The following MARK1 variants were observed in gnomAD, a reference collection of about 807,000 sequenced individuals.
MARK1 encodes the protein serine/threonine-protein kinase MARK1.
A neutral mutation model predicts 96.3 loss-of-function variants in MARK1; 40 were observed. The ratio of observed to expected loss-of-function variants is 0.42; its 90% CI spans 0.32 to 0.54. The LOEUF is 0.54. Among genes scored for constraint, MARK1 ranks in the 20% least tolerant of loss-of-function variants. MARK1 has a pLI of 0.16. For missense variants in MARK1, 719 were observed against 984.6 expected (o/e 0.73, Z 3.61); for synonymous variants, 317 against 341.2 (o/e 0.93, Z 0.78).
rs1432200631 is a variant in MARK1, at chr1:220,528,593, T to C, written c.-230T>C. 1 of 483,398 alleles carries C rather than the reference T, an allele frequency of 2.1e-6. No individual in the cohort carries two copies. The allele number at this position is 483,398 out of a possible 1,614,324, so 29.9% of individuals were successfully genotyped here. A position where few individuals can be genotyped will look rare whatever the true frequency, so the allele number is the denominator to read the frequency against. On this transcript the variant is annotated 5_prime_UTR_variant, in exon 1 of 18. Transcript: ENST00000366917. The stretch of plus-strand genomic sequence containing the variant: ...CTCGCCCGAAGCCCTCCCTCGTTAC[T>C]GTCCGCATACCCCGGCGGCGCCGCC...
chr1:220,633,655 A>G (rs891815425), intron 11 of MARK1, among the ~76,000 whole-genome samples: 4 of 152,214 alleles, frequency 2.6e-5, no homozygotes, highest in African/African-American at 9.6e-5. Context: ...ACAACAGGCT[A>G]AGGTCAGACC....
chr1:220,532,571 T>A (rs1660388413), intron 1 of MARK1, among the ~76,000 whole-genome samples: 1 of 152,194 alleles, frequency 6.6e-6, no homozygotes, highest in African/African-American at 2.4e-5. Context: ...AATGAAGCCT[T>A]CAGAGAGAAA....
chr1:220,647,490 C>T (rs1483358539), intron 13 of MARK1, among the ~76,000 whole-genome samples: 1 of 152,122 alleles, frequency 6.6e-6, no homozygotes, highest in Non-Finnish European at 1.5e-5. Context: ...GGTGGTGATT[C>T]CTCAAAGATT....
chr1:220,565,237 C>T lies in MARK1; in HGVS notation c.52-14117C>T, dbSNP rs138493003. Among the ~76,000 whole-genome samples the T allele has an allele frequency of 2.6e-5, 4 of 152,246 alleles. No homozygotes were observed. The East Asian group carries it at 7.7e-4, about 29-fold the overall frequency. ...ATTTGTTTCTCACTGAGCATTTAAGCTATAACATGAATGATCAGTTTTCTC... is the reference window on the plus strand; with the variant it reads ...ATTTGTTTCTCACTGAGCATTTAAGTTATAACATGAATGATCAGTTTTCTC... On this transcript the variant is annotated intron_variant, in intron 1 of 17. Transcript: ENST00000366917.
At chr1:220,535,069 G>T (rs950447871) in intron 1 of MARK1, among the ~76,000 whole-genome samples, 12 of 151,876 alleles carry the variant, frequency 7.9e-5, no homozygotes, top group African/African-American at 2.9e-4. Flanking sequence ...TTCTATTGTT[G>T]GGTCATATGG....
At chr1:220,594,419 G>A (rs1665191522) in intron 3 of MARK1, among the ~76,000 whole-genome samples, 1 of 152,178 alleles carries the variant, frequency 6.6e-6, no homozygotes, top group African/African-American at 2.4e-5. Context: ...ATTTGTTGCT[G>A]GCGGAAATGC....
rs374611399 is a variant in MARK1 at position 220,587,185 on chromosome 1, A to G, written c.309+6067A>G. Among the ~76,000 whole-genome samples the G allele has an allele frequency of 1.1e-4, 16 of 152,226 alleles. No individual in the cohort carries two copies. In the East Asian group the frequency reaches 3.1e-3, roughly 29 times the overall value. ...TATATTAGTTATTTTAAAATTTCCT[A>G]TCTTTCTGTAATCAGATTTTTTCAT... On this transcript the variant is annotated intron_variant, in intron 3 of 17. Coordinates refer to ENST00000366917, the MANE Select transcript of MARK1 (RefSeq NM_018650.5).
intron 9 of MARK1, chr1:220,626,257 A>G: frequency 3.8e-6 from 2 of 530,450 alleles, no homozygotes; most frequent in Non-Finnish European, 7.5e-6. Context: ...GTATATTGAC[A>G]TTGATATTCA....
At chr1:220,580,299 C>T (rs772124100) in intron 2 of MARK1, among the ~76,000 whole-genome samples, 3 of 151,914 alleles carry the variant, frequency 2.0e-5, no homozygotes, top group Admixed American at 1.3e-4. Flanking sequence ...GCCTGGGCAA[C>T]ATGGCAAAAC....
At chr1:220,638,993 C>T (rs1345297522) in intron 13 of MARK1, among the ~76,000 whole-genome samples, 1 of 152,132 alleles carries the variant, frequency 6.6e-6, no homozygotes, top group African/African-American at 2.4e-5. Flanking sequence ...ACTGTAATCC[C>T]AGCACTTTTG....
chr1:220,539,109 A>C (rs1162059561), intron 1 of MARK1, among the ~76,000 whole-genome samples: 15 of 151,786 alleles, frequency 9.9e-5, no homozygotes, highest in Admixed American at 8.5e-4. Context: ...CACTATGTTG[A>C]ATAGGAGTGG....
At chr1:220,580,176 A>G (rs1438643520) in intron 2 of MARK1, among the ~76,000 whole-genome samples, 3 of 152,026 alleles carry the variant, frequency 2.0e-5, no homozygotes, top group Non-Finnish European at 4.4e-5. Flanking sequence ...TCTGATTAGG[A>G]CATTATAAAA....
chr1:220,652,449 T>C (rs757139885), intron 15 of MARK1, among the ~76,000 whole-genome samples: 3 of 152,228 alleles, frequency 2.0e-5, no homozygotes, highest in Non-Finnish European at 4.4e-5. Context: ...ATTTTTTTAT[T>C]ATTTAAACCA....
At chr1:220,567,506 G>T (rs963834675) in intron 1 of MARK1, among the ~76,000 whole-genome samples, 8 of 152,058 alleles carry the variant, frequency 5.3e-5, no homozygotes, top group African/African-American at 1.7e-4. Context: ...GGCTATTCAG[G>T]CCTCTTCCGA....
intron 1 of MARK1, among the ~76,000 whole-genome samples, chr1:220,552,330 A>G (rs1033366798): frequency 6.6e-6 from 1 of 152,120 alleles, no homozygotes; most frequent in African/African-American, 2.4e-5. Flanking sequence ...AGCTATTCCC[A>G]TTTCTATTTA....
At chr1:220,547,547 T>A (rs1363076218) in intron 1 of MARK1, among the ~76,000 whole-genome samples, 2 of 152,238 alleles carry the variant, frequency 1.3e-5, no homozygotes, top group East Asian at 3.8e-4. Context: ...TTTGTGACAG[T>A]AGTGTCAAAC....
chr1:220,577,886 C>G (rs989394678), intron 1 of MARK1, among the ~76,000 whole-genome samples: 3 of 152,180 alleles, frequency 2.0e-5, no homozygotes, highest in Non-Finnish European at 2.9e-5. Context: ...GCATCCAACA[C>G]AGAATGAGGC....
intron 9 of MARK1, among the ~76,000 whole-genome samples, chr1:220,625,496 G>A (rs1272905639): frequency 6.6e-6 from 1 of 152,170 alleles, no homozygotes; most frequent in African/African-American, 2.4e-5. Flanking sequence ...ACATTCAATT[G>A]TAGGCAAAGA....
At chr1:220,569,481 G>A (rs12022549) in intron 1 of MARK1, among the ~76,000 whole-genome samples, 5 of 151,852 alleles carry the variant, frequency 3.3e-5, no homozygotes, top group South Asian at 2.1e-4. Flanking sequence ...CTGAACTGTC[G>A]ATTCTTTCTT....
Sources: gnomAD v4.1 joint callset for allele counts (sites outside exome capture counted in the v4.1 genomes callset) on GRCh38, gnomAD v4.1.1 for gene constraint, MANE v1.5 for transcripts, NCBI Gene and HGNC (gene_info 2026-07-23, HGNC 2026-07-21) for gene names.